Variants in PXDNL observed in about 807,000 individuals in gnomAD.
PXDNL encodes peroxidasin like, also known as probable oxidoreductase PXDNL.
PXDNL carries 145 observed loss-of-function variants against 150.8 expected under a neutral mutation model. The observed-to-expected ratio is 0.96, with a 90% CI of 0.84 to 1.10. PXDNL has a LOEUF of 1.10. Ranked by LOEUF, PXDNL falls within the 50% of genes least tolerant of loss-of-function variation. PXDNL has a pLI of 0.00. For missense variants in PXDNL, 2,087 were observed against 1,873.9 expected, an observed-to-expected ratio of 1.11 and a Z score of -2.10; for synonymous variants, 757 against 725.7, an observed-to-expected ratio of 1.04 and a Z score of -0.69.
chr8:51,590,485 A>C (rs1333176633), intron 3 of PXDNL, among the ~76,000 whole-genome samples: 3 of 152,196 alleles, frequency 2.0e-5, no homozygotes, highest in Non-Finnish European at 4.4e-5. Context: ...GGCTGAGCCC[A>C]GCAAAGACAT....
At chr8:51,391,177 T>C (rs1807895341) in intron 17 of PXDNL, among the ~76,000 whole-genome samples, 2 of 152,326 alleles carry the variant, frequency 1.3e-5, no homozygotes, top group South Asian at 4.1e-4. Flanking sequence ...GTCTTTGATA[T>C]TGTGAATAGT....
At chr8:51,354,526 A>G (rs1429946002) in intron 19 of PXDNL, among the ~76,000 whole-genome samples, 2 of 152,122 alleles carry the variant, frequency 1.3e-5, no homozygotes, top group Non-Finnish European at 1.5e-5. Flanking sequence ...TCATTAGCAT[A>G]AGATTCTAAA....
chr8:51,637,521 T>C (rs1206851148), intron 2 of PXDNL, among the ~76,000 whole-genome samples: 1 of 152,100 alleles, frequency 6.6e-6, no homozygotes, highest in African/African-American at 2.4e-5. Flanking sequence ...CTGATGGAGC[T>C]GAAAACCATT....
intron 3 of PXDNL, among the ~76,000 whole-genome samples, chr8:51,588,352 G>T (rs1203060672): frequency 2.0e-5 from 3 of 152,052 alleles, no homozygotes; most frequent in East Asian, 3.9e-4. Flanking sequence ...TACTGCAGTG[G>T]GTACATGAAT....
At chr8:51,752,286 G>A (rs1302380860) in intron 1 of PXDNL, among the ~76,000 whole-genome samples, 1 of 152,070 alleles carries the variant, frequency 6.6e-6, no homozygotes, top group Non-Finnish European at 1.5e-5. Context: ...TAATAAACTT[G>A]TTTGCAGAGG....
At chr8:51,391,760 A>G (rs1224264747) in intron 17 of PXDNL, among the ~76,000 whole-genome samples, 1 of 151,942 alleles carries the variant, frequency 6.6e-6, no homozygotes, top group East Asian at 1.9e-4. Flanking sequence ...CCATTTGTCA[A>G]TTTTGGCTTT....
At chr8:51,359,558 A>T (rs1806645775) in intron 19 of PXDNL, among the ~76,000 whole-genome samples, 1 of 68,160 alleles carries the variant, frequency 1.5e-5, no homozygotes, top group African/African-American at 4.1e-5. Context: ...ACGTTTCAGA[A>T]GGAAAAAAAA....
At position 51,369,796 on chromosome 8, in the gene PXDNL, C is replaced by T. The variant is rs557790909; in HGVS notation, c.3901+2077G>A. 2.1e-4 allele frequency among the ~76,000 whole-genome samples: 32 copies of T among 152,254 alleles called. No individual in the cohort carries two copies. In the East Asian group the frequency reaches 3.9e-3, roughly 18 times the overall value. On this transcript the variant is annotated intron_variant, in intron 19 of 22. Coordinates refer to ENST00000356297, the MANE Select transcript of PXDNL (RefSeq NM_144651.5). ...TTGGGACCACAGATCTTGATAAGAACGCTGCACAAACTCAAGACCCCAACC... is the reference window on the plus strand; with the variant it reads ...TTGGGACCACAGATCTTGATAAGAATGCTGCACAAACTCAAGACCCCAACC...
intron 4 of PXDNL, among the ~76,000 whole-genome samples, chr8:51,505,527 G>T (rs1310462790): frequency 2.6e-5 from 4 of 152,132 alleles, no homozygotes; most frequent in Non-Finnish European, 4.4e-5. Context: ...CAACCTTTTT[G>T]TACAAAGTGG....
chr8:51,762,277 A>ATGGCAAGG (rs2037173673), intron 1 of PXDNL, among the ~76,000 whole-genome samples: 1 of 152,200 alleles, frequency 6.6e-6, no homozygotes, highest in African/African-American at 2.4e-5. Flanking sequence ...ACCCCAAAAT[A>ATGGCAAGG]TATTTCCTTG....
chr8:51,674,506 T>A (rs80354046), intron 1 of PXDNL, among the ~76,000 whole-genome samples: 1 of 152,226 alleles, frequency 6.6e-6, no homozygotes, highest in African/African-American at 2.4e-5. Flanking sequence ...TTTGTATTGT[T>A]CACTTAACAT....
intron 3 of PXDNL, among the ~76,000 whole-genome samples, chr8:51,571,112 C>T (rs1812931751): frequency 6.6e-6 from 1 of 150,700 alleles, no homozygotes; most frequent in Non-Finnish European, 1.5e-5. Flanking sequence ...AAAAAATTGT[C>T]AGATAAGCCA....
chr8:51,600,233 G>T (rs1037331671), intron 2 of PXDNL, among the ~76,000 whole-genome samples: 1 of 134,974 alleles, frequency 7.4e-6, no homozygotes, highest in Non-Finnish European at 1.6e-5. Context: ...AAATTATATC[G>T]TTTAGATAAT....
chr8:51,729,006 A>G (rs555250596), intron 1 of PXDNL, among the ~76,000 whole-genome samples: 2 of 152,280 alleles, frequency 1.3e-5, no homozygotes, highest in African/African-American at 4.8e-5. Flanking sequence ...TCTATTTTAC[A>G]TATGTTTAGA....
rs1184946574 is a variant in PXDNL, at chr8:51,553,746, A to ATATT, written c.380+3093_380+3094insAATA. Among the ~76,000 whole-genome samples the ATATT allele has an allele frequency of 1.4e-4, 14 of 99,268 alleles. 1 individual carries two copies. The East Asian group carries it at 2.5e-3, about 18-fold the overall frequency. The allele number at this position is 99,268 out of a possible 152,430, so 65.1% of individuals were successfully genotyped here. A position where few individuals can be genotyped will look rare whatever the true frequency, so the allele number is the denominator to read the frequency against. On this transcript the variant is annotated intron_variant, in intron 4 of 22. Transcript: ENST00000356297. Reference sequence around the variant, plus strand: ...TGCCTTATTGTGAGGGATTTTATATATATATATATATATATATATATATAT... The same window carrying ATATT: ...TGCCTTATTGTGAGGGATTTTATATATATTTATATATATATATATATATATATAT...
At chr8:51,432,892 G>T (rs970814986) in intron 12 of PXDNL, among the ~76,000 whole-genome samples, 1 of 152,110 alleles carries the variant, frequency 6.6e-6, no homozygotes, top group South Asian at 2.1e-4. Context: ...TTGAGTACAT[G>T]CAATCTTCTT....
At chr8:51,616,298 A>G (rs551309560) in intron 2 of PXDNL, among the ~76,000 whole-genome samples, 238 of 152,324 alleles carry the variant, frequency 1.6e-3, no homozygotes, top group African/African-American at 5.3e-3. Flanking sequence ...CACAGATAGA[A>G]GGGAGGACAC....
At chr8:51,577,971 GAAA>G (rs1813103277) in intron 3 of PXDNL, among the ~76,000 whole-genome samples, 48 of 92,012 alleles carry the variant, frequency 5.2e-4, no homozygotes, top group East Asian at 1.8e-3. Context: ...AAGAAAGAAA[GAAA>G]GAAAGAAAGA....
At chr8:51,481,990 C>T (rs1160788331) in intron 6 of PXDNL, among the ~76,000 whole-genome samples, 1 of 152,202 alleles carries the variant, frequency 6.6e-6, no homozygotes, top group Non-Finnish European at 1.5e-5. Flanking sequence ...GGGGTACTCC[C>T]TGCCTAGTGG....
Sources: gnomAD v4.1 joint callset for allele counts (sites outside exome capture counted in the v4.1 genomes callset) on GRCh38, gnomAD v4.1.1 for gene constraint, MANE v1.5 for transcripts, NCBI Gene and HGNC (gene_info 2026-07-23, HGNC 2026-07-21) for gene names.